Variants in ACSM4 observed in about 807,000 individuals in gnomAD.
ACSM4 encodes the protein acyl-CoA synthetase medium chain family member 4.
In ACSM4, 66 loss-of-function variants were observed where a neutral mutation model predicts 73.0. The ratio of observed to expected loss-of-function variants is 0.90; its 90% CI spans 0.74 to 1.11. ACSM4 has a LOEUF of 1.11. ACSM4 is among the 50% of genes least tolerant of loss of function. The probability of loss-of-function intolerance (pLI) is 0.00; values close to 1 mark genes in which losing one functional copy is unlikely to be tolerated. For missense variants in ACSM4, 645 were observed against 714.4 expected (o/e 0.90, Z 1.11); for synonymous variants, 222 against 254.0 (o/e 0.87, Z 1.20).
At chr12:7,322,320 T>A (rs1946469560) in intron 6 of ACSM4, 98 bp from the exon 7 acceptor site, 1 of 1,542,976 alleles carries the variant, frequency 6.5e-7, no homozygotes, top group Non-Finnish European at 8.9e-7. Context: ...GACTTGCCTC[T>A]CCTAGCTGCT....
intron 2 of ACSM4, among the ~76,000 whole-genome samples, chr12:7,308,625 G>T (rs1946373563): frequency 6.6e-6 from 1 of 152,134 alleles, no homozygotes. Flanking sequence ...CTAATTATTT[G>T]TAAGTCATTA....
rs1224834443 is a variant in ACSM4, at chr12:7,304,083, C to T, written c.-249C>T. Among the ~76,000 whole-genome samples, 3 of 152,056 alleles carry T rather than the reference C, an allele frequency of 2.0e-5. No homozygotes were observed. The highest frequency in any genetic ancestry group is 7.2e-5 in the African/African-American group (3 of 41,404). On this transcript the variant is annotated 5_prime_UTR_variant, in exon 1 of 13. Transcript: ENST00000399422. ...TGTAGTTAAGGGGTTTTTTTAGACT[C>T]ATCTGGTCACAGACAGAATGAAGAG...
chr12:7,327,051 G>C lies in ACSM4; in HGVS notation c.1612G>C (p.Asp538His). Residue 538 changes from aspartate (D) to histidine (H), a missense_variant, in exon 12 of 13, where the codon GAT becomes CAT. Physicochemically the swap from Asp to His is moderately conservative, Grantham distance 81. Transcript: ENST00000399422. ...AGAGAAATTAACTCTTGAACTTCAG[G>C]ATCATGTGAAAAAATCAACTGCACC... Reference protein sequence around the residue: ...NPEKLTLELQDHVKKSTAPYK... With the variant: ...NPEKLTLELQHHVKKSTAPYK... 1.9e-6 allele frequency: 3 copies of C among 1,611,656 alleles called. No homozygotes were observed. The highest frequency in any genetic ancestry group is 2.5e-6 in the Non-Finnish European group (3 of 1,178,998).
intron 9 of ACSM4, 23 bp from the exon 10 acceptor site, chr12:7,324,250 C>A (rs1946486369): frequency 1.2e-6 from 2 of 1,609,662 alleles, no homozygotes; most frequent in East Asian, 2.2e-5. Context: ...GACTAATCCC[C>A]AAATGTCATC....
intron 3 of ACSM4, among the ~76,000 whole-genome samples, chr12:7,311,517 A>G (rs1181610605): frequency 6.6e-6 from 1 of 152,186 alleles, no homozygotes; most frequent in East Asian, 1.9e-4. Flanking sequence ...GAATAGAACT[A>G]CAAGCCACTC....
At chr12:7,304,600 T>C in intron 1 of ACSM4, 68 bp downstream of exon 1, 1 of 1,511,362 alleles carries the variant, frequency 6.6e-7, no homozygotes, top group Non-Finnish European at 9.2e-7. Context: ...ATTTCCTTGT[T>C]CTGTGGTCTA....
chr12:7,310,057 G>C (rs774633592), intron 2 of ACSM4, among the ~76,000 whole-genome samples: 2 of 152,208 alleles, frequency 1.3e-5, no homozygotes, highest in Non-Finnish European at 2.9e-5. Context: ...AAAGTGCTGG[G>C]ATTACAGGCC....
intron 5 of ACSM4, 30 bp from the exon 6 acceptor site, chr12:7,320,695 C>T (rs753662895): frequency 1.3e-6 from 2 of 1,583,132 alleles, no homozygotes; most frequent in South Asian, 2.2e-5. Flanking sequence ...ATGACCACTT[C>T]TGACATCTGT....
intron 6 of ACSM4, among the ~76,000 whole-genome samples, chr12:7,321,628 G>T (rs1374154227): frequency 6.6e-6 from 1 of 152,220 alleles, no homozygotes; most frequent in African/African-American, 2.4e-5. Context: ...GAATACACAT[G>T]ATTTGTATTC....
chr12:7,310,584 T>TC lies in ACSM4; in HGVS notation c.460dup (p.Leu154ProfsTer16), dbSNP rs1221485058. 1 of 1,611,818 alleles carries TC rather than the reference T, an allele frequency of 6.2e-7. No individual in the cohort carries two copies. The highest frequency in any genetic ancestry group is 8.5e-7 in the Non-Finnish European group (1 of 1,179,298). On this transcript the variant is annotated frameshift_variant, in exon 3 of 13. Transcript: ENST00000399422. LOFTEE classifies it high-confidence loss of function. ...ACAATCCAGCTGACAGCAAAAGACATCCTCTACCGGCTGCGAGCATCCAAG... is the reference window on the plus strand; with the variant it reads ...ACAATCCAGCTGACAGCAAAAGACATCCCTCTACCGGCTGCGAGCATCCAAG...
intron 1 of ACSM4, among the ~76,000 whole-genome samples, chr12:7,306,007 G>A (rs910877990): frequency 6.6e-6 from 1 of 152,136 alleles, no homozygotes; most frequent in African/African-American, 2.4e-5. Flanking sequence ...CTCAGCCTTA[G>A]GGTACAAAGA....
chr12:7,317,045 AG>A, intron 3 of ACSM4, 91 bp from the exon 4 acceptor site: 2 of 1,425,128 alleles, frequency 1.4e-6, no homozygotes, highest in Non-Finnish European at 1.9e-6. Flanking sequence ...ATCTTCTGGT[AG>A]CAAGAGGGCA....
At position 7,318,101 on chromosome 12, in the gene ACSM4, C is replaced by T. The variant is rs1946435207; in HGVS notation, c.840C>T (p.Gly280=). Residue 280 remains glycine, a synonymous_variant, in exon 5 of 13, where the codon GGC becomes GGT. Coordinates refer to ENST00000399422, the MANE Select transcript of ACSM4 (RefSeq NM_001080454.2). ...SDTGWVKAAI[G]SVFSSWLCGA... ...CGGGCTGGGTCAAGGCCGCCATTGG[C>T]AGTGTGTTTTCTTCCTGGCTGTGTG... The T allele has an allele frequency of 6.2e-7, 1 of 1,613,742 alleles. No individual in the cohort carries two copies. The highest frequency in any genetic ancestry group is 8.5e-7 in the Non-Finnish European group (1 of 1,179,838).
In ACSM4 at chr12:7,322,521, G is replaced by A. The variant is rs1219566915; in HGVS notation, c.1105G>A (p.Gly369Ser). The stretch of plus-strand genomic sequence containing the variant: ...GCAAACTGGGCTGGAGCTATATGAG[G>A]GCTATGGACAGACGGAAGTGGTATA... ...RVQTGLELYEGYGQTEVGMIC... is the reference protein window; with the variant it reads ...RVQTGLELYESYGQTEVGMIC... The change falls in exon 7 of 13, where the codon GGC (glycine) becomes AGC (serine). Residue 369 changes from glycine (G) to serine (S), a missense_variant. By Grantham distance (56) the Gly-to-Ser change is moderately conservative. Coordinates refer to ENST00000399422, the MANE Select transcript of ACSM4 (RefSeq NM_001080454.2). The A allele has an allele frequency of 5.9e-5, 96 of 1,613,634 alleles. No homozygotes were observed. Among genetic ancestry groups the A allele is most frequent in the Non-Finnish European group, 8.1e-5 (95 of 1,179,816 alleles).
At chr12:7,322,622 C>A in intron 7 of ACSM4, 81 bp downstream of exon 7, 1 of 1,489,984 alleles carries the variant, frequency 6.7e-7, no homozygotes, top group East Asian at 2.3e-5. Flanking sequence ...CTGAAGTGCC[C>A]CCATCCCACT....
At chr12:7,315,723 G>A (rs137964737) in intron 3 of ACSM4, among the ~76,000 whole-genome samples, 25 of 152,320 alleles carry the variant, frequency 1.6e-4, no homozygotes, top group African/African-American at 5.8e-4. Flanking sequence ...GCACTTAGTG[G>A]TGTAAACAGT....
intron 3 of ACSM4, among the ~76,000 whole-genome samples, chr12:7,314,729 T>G (rs1283645700): frequency 6.6e-6 from 1 of 152,188 alleles, no homozygotes; most frequent in Non-Finnish European, 1.5e-5. Context: ...CCCACAGGTA[T>G]TAGATTCTGT....
At chr12:7,316,623 A>C (rs956771955) in intron 3 of ACSM4, among the ~76,000 whole-genome samples, 1 of 152,206 alleles carries the variant, frequency 6.6e-6, no homozygotes, top group Non-Finnish European at 1.5e-5. Context: ...AGTGCAAGGA[A>C]GAAGGAGACA....
intron 3 of ACSM4, among the ~76,000 whole-genome samples, chr12:7,311,630 T>C (rs1356216669): frequency 1.3e-5 from 2 of 152,152 alleles, no homozygotes; most frequent in Non-Finnish European, 2.9e-5. Context: ...TCCTCTAGAG[T>C]AGGGTTTGGC....
Sources: allele counts gnomAD v4.1 joint callset (sites outside exome capture counted in the v4.1 genomes callset), GRCh38; gene constraint gnomAD v4.1.1; transcripts MANE v1.5; gene names NCBI Gene and HGNC (gene_info 2026-07-23, HGNC 2026-07-21).